COL19A1: variants seen among roughly 807,000 people sequenced by gnomAD.
COL19A1 encodes the protein collagen alpha-1(XIX) chain.
COL19A1 carries 159 observed loss-of-function variants against 190.2 expected under a neutral mutation model. The observed-to-expected ratio is 0.84, with a 90% CI of 0.73 to 0.95. The LOEUF is 0.95. Ranked by LOEUF, COL19A1 falls within the 40% of genes least tolerant of loss-of-function variation. The pLI, the probability that COL19A1 is intolerant of heterozygous loss-of-function variation, is 0.00. For missense variants in COL19A1, 1,418 were observed against 1,431.9 expected (o/e 0.99, Z 0.16); for synonymous variants, 509 against 458.9 (o/e 1.11, Z -1.39).
intron 15 of COL19A1, among the ~76,000 whole-genome samples, chr6:70,099,262 C>A (rs1472847970): frequency 6.6e-6 from 1 of 151,850 alleles, no homozygotes; most frequent in Non-Finnish European, 1.5e-5. Flanking sequence ...ACAGATTGAG[C>A]ATCCCTAATC....
At chr6:70,080,559 G>A (rs1782185488) in intron 15 of COL19A1, among the ~76,000 whole-genome samples, 1 of 152,028 alleles carries the variant, frequency 6.6e-6, no homozygotes, top group African/African-American at 2.4e-5. Context: ...AATTCATTTT[G>A]TCAGAACACA....
At chr6:70,202,105 T>C (rs1379104941) in intron 49 of COL19A1, among the ~76,000 whole-genome samples, 1 of 152,242 alleles carries the variant, frequency 6.6e-6, no homozygotes, top group Non-Finnish European at 1.5e-5. Flanking sequence ...TGACACAGCA[T>C]GACTGAGTTT....
intron 16 of COL19A1, among the ~76,000 whole-genome samples, chr6:70,102,550 A>C (rs991874998): frequency 6.6e-6 from 1 of 152,172 alleles, no homozygotes; most frequent in Non-Finnish European, 1.5e-5. Context: ...CTACCTGAAC[A>C]CCATCTTCTA....
intron 4 of COL19A1, 98 bp downstream of exon 4, chr6:69,900,436 T>C (rs1262654043): frequency 1.6e-6 from 1 of 624,744 alleles, no homozygotes; most frequent in Non-Finnish European, 2.6e-6. Context: ...AGTTTCTCAA[T>C]AGCATCATCC....
In COL19A1 at chr6:70,156,717, C is replaced by A. The variant is rs2229799; in HGVS notation, c.2286C>A (p.Gly762=). 6.2e-7 allele frequency: 1 copy of A among 1,608,658 alleles called. No homozygotes were observed. Among genetic ancestry groups the A allele is most frequent in the Non-Finnish European group, 8.5e-7 (1 of 1,176,530 alleles). The change falls in exon 34 of 51, where the codon GGC becomes GGA. Residue 762 remains glycine, a synonymous_variant. Transcript: ENST00000620364. ...ACCCTGGGATACCTGGGGAGAAAGGCGATGAGGTAACAGATTCTTTTCTGA... is the reference window on the plus strand; with the variant it reads ...ACCCTGGGATACCTGGGGAGAAAGGAGATGAGGTAACAGATTCTTTTCTGA... The part of the protein sequence containing the change: ...RGYPGIPGEK[G]DEGLQGIPGI...
intron 4 of COL19A1, among the ~76,000 whole-genome samples, chr6:69,908,287 G>C (rs184375679): frequency 1.3e-5 from 2 of 152,274 alleles, no homozygotes; most frequent in East Asian, 3.9e-4. Flanking sequence ...AAGCTCTAGA[G>C]AATGCCTATT....
chr6:69,879,619 C>A lies in COL19A1; in HGVS notation c.52C>A (p.Leu18Ile), dbSNP rs369591852. 3.7e-6 allele frequency: 6 copies of A among 1,613,998 alleles called. No individual in the cohort carries two copies. The African/African-American group carries it at 8.0e-5, about 22-fold the overall frequency. Reference sequence around the variant, plus strand: ...TTGGCTTTGGATGTCAATATTTCTGCTTCCTGCTTCCACTTCCGTGACCGT... The same window carrying A: ...TTGGCTTTGGATGTCAATATTTCTGATTCCTGCTTCCACTTCCGTGACCGT... ...KLWLWMSIFL[L>I]PASTSVTVRD... Residue 18 changes from leucine to isoleucine, a missense_variant, in exon 2 of 51, where the codon CTT (leucine) becomes ATT (isoleucine). Physicochemically the swap from Leu to Ile is conservative, Grantham distance 5. Coordinates refer to ENST00000620364, the MANE Select transcript of COL19A1 (RefSeq NM_001858.6).
chr6:70,065,360 G>A (rs1781113218), intron 14 of COL19A1, among the ~76,000 whole-genome samples: 2 of 152,172 alleles, frequency 1.3e-5, no homozygotes, highest in South Asian at 4.1e-4. Flanking sequence ...AATGGGGAAA[G>A]GATTCCCTAT....
intron 9 of COL19A1, among the ~76,000 whole-genome samples, chr6:69,949,771 C>G (rs1198245340): frequency 6.6e-6 from 1 of 151,806 alleles, no homozygotes; most frequent in Non-Finnish European, 1.5e-5. Flanking sequence ...TGCTTGTCAG[C>G]AGTTATAATT....
chr6:69,981,415 A>G (rs1159288508), intron 11 of COL19A1, among the ~76,000 whole-genome samples: 2 of 152,168 alleles, frequency 1.3e-5, no homozygotes, highest in East Asian at 3.8e-4. Context: ...AATGTATATA[A>G]TATAACCAAT....
intron 14 of COL19A1, among the ~76,000 whole-genome samples, chr6:70,054,491 G>C (rs770958648): frequency 1.3e-5 from 2 of 152,176 alleles, no homozygotes; most frequent in Non-Finnish European, 2.9e-5. Context: ...TTTAGAATAA[G>C]TTGCCAGGTA....
chr6:69,930,147 A>G (rs1772660922), intron 6 of COL19A1, among the ~76,000 whole-genome samples: 2 of 152,214 alleles, frequency 1.3e-5, no homozygotes, highest in South Asian at 2.1e-4. Flanking sequence ...TGTATTGCAG[A>G]CTATTTTTTA....
At chr6:70,166,073 C>A in intron 37 of COL19A1, 88 bp downstream of exon 37, 1 of 1,152,672 alleles carries the variant, frequency 8.7e-7, no homozygotes, top group South Asian at 1.2e-5. Context: ...TAGATGTTTT[C>A]AAAGATAAAA....
intron 15 of COL19A1, among the ~76,000 whole-genome samples, chr6:70,069,159 AG>A (rs1781413295): frequency 6.6e-6 from 1 of 152,112 alleles, no homozygotes; most frequent in Non-Finnish European, 1.5e-5. Flanking sequence ...TATTTATGGC[AG>A]TCTTTGTACT....
intron 11 of COL19A1, among the ~76,000 whole-genome samples, chr6:69,965,015 T>G (rs1471093508): frequency 6.6e-6 from 1 of 152,216 alleles, no homozygotes; most frequent in Non-Finnish European, 1.5e-5. Context: ...TTCACTTTAT[T>G]TCTAGATTAA....
intron 48 of COL19A1, among the ~76,000 whole-genome samples, chr6:70,190,735 G>A (rs10945202): frequency 0.15 from 23,408 of 151,964 alleles, 2,280 homozygotes; most frequent in Non-Finnish European, 0.22. Context: ...TATCACCCCT[G>A]GGAAATGTTT....
rs762854407 is a variant in COL19A1, at chr6:70,146,702, A to G, written c.1814A>G (p.Lys605Arg). ...GGAGCACCTGGTCCACGTGGGCCAA[A>G]GGTATACAAATATTATAGTTAATTT... The part of the protein sequence containing the change: ...NPGAPGPRGP[K>R]GERGLPGVHG... Residue 605 changes from lysine to arginine, a missense_variant and splice_region_variant, in exon 26 of 51, where the codon AAG becomes AGG. By Grantham distance (26) the Lys-to-Arg change is conservative. Coordinates refer to ENST00000620364, the MANE Select transcript of COL19A1 (RefSeq NM_001858.6). The G allele has an allele frequency of 9.3e-6, 15 of 1,604,612 alleles. No individual in the cohort carries two copies. The South Asian group carries it at 1.6e-4, about 17-fold the overall frequency.
chr6:70,169,692 G>A (rs1425217823), intron 40 of COL19A1, among the ~76,000 whole-genome samples: 6 of 152,042 alleles, frequency 3.9e-5, no homozygotes, highest in Admixed American at 3.9e-4. Flanking sequence ...AGTTTCCTTT[G>A]TTTTACTATT....
chr6:70,100,277 CT>C (rs1287945540), intron 15 of COL19A1, among the ~76,000 whole-genome samples: 2 of 152,066 alleles, frequency 1.3e-5, no homozygotes, highest in African/African-American at 4.8e-5. Flanking sequence ...TCTAAGTAAA[CT>C]TTTTATCATT....
Sources: allele counts gnomAD v4.1 joint callset (sites outside exome capture counted in the v4.1 genomes callset), GRCh38; gene constraint gnomAD v4.1.1; transcripts MANE v1.5; gene names NCBI Gene and HGNC (gene_info 2026-07-23, HGNC 2026-07-21).